The following EP300 variants were observed in gnomAD, a reference collection of about 807,000 sequenced individuals.
EP300 encodes histone acetyltransferase p300.
EP300 carries 31 observed loss-of-function variants against 264.0 expected under a neutral mutation model. The ratio of observed to expected loss-of-function variants is 0.12; its 90% confidence interval spans 0.09 to 0.16. The LOEUF is 0.16. EP300 is among the 10% of genes least tolerant of loss of function. The pLI, the probability that EP300 is intolerant of heterozygous loss-of-function variation, is 1.00. For synonymous variants in EP300, 1,340 were observed against 1,045.4 expected (o/e 1.28, Z -5.44); for missense variants, 2,766 against 3,052.9 (o/e 0.91, Z 2.21).
At chr22:41,132,201 A>G (rs1429899769) in intron 6 of EP300, among the ~76,000 whole-genome samples, 18 of 151,932 alleles carry the variant, frequency 1.2e-4, no homozygotes, top group African/African-American at 4.4e-4. Context: ...ATCTCAAAAA[A>G]AAAAAAAATA....
At chr22:41,141,462 G>C (rs1253435664) in intron 10 of EP300, among the ~76,000 whole-genome samples, 1 of 152,108 alleles carries the variant, frequency 6.6e-6, no homozygotes, top group Non-Finnish European at 1.5e-5. Flanking sequence ...TAGAGCCCAA[G>C]GTGTAAACTT....
intron 1 of EP300, among the ~76,000 whole-genome samples, chr22:41,104,382 C>A (rs1363381722): frequency 6.6e-6 from 1 of 151,926 alleles, no homozygotes; most frequent in Non-Finnish European, 1.5e-5. Context: ...CTCTGCCTCC[C>A]CGGTTCAAGT....
Position 41,168,616 on chromosome 22 carries a change from C to CT in EP300, c.4025+21dup. ...GAAAGCAAGGTATCTAGTCATTTCA[C>CT]TTTTCTTCTCCTCGTGGATCCAAAA... On this transcript the variant is annotated intron_variant, in intron 24 of 30. Transcript: ENST00000263253. 1 of 1,614,176 alleles carries CT rather than the reference C, an allele frequency of 6.2e-7. No homozygotes were observed. The highest frequency in any genetic ancestry group is 8.5e-7 in the Non-Finnish European group (1 of 1,180,032).
chr22:41,095,479 A>G (rs1223389875), intron 1 of EP300, among the ~76,000 whole-genome samples: 1 of 151,210 alleles, frequency 6.6e-6, no homozygotes, highest in East Asian at 1.9e-4. Flanking sequence ...TGATCCACCC[A>G]CCTTGGCCTC....
chr22:41,118,341 T>C (rs1156534570), intron 2 of EP300, among the ~76,000 whole-genome samples: 22 of 152,260 alleles, frequency 1.4e-4, no homozygotes, highest in African/African-American at 2.4e-5. Flanking sequence ...CAAAGACTTC[T>C]GTTAGCTTTA....
chr22:41,098,885 A>G (rs2058716179), intron 1 of EP300, among the ~76,000 whole-genome samples: 2 of 152,090 alleles, frequency 1.3e-5, no homozygotes, highest in South Asian at 2.1e-4. Context: ...TGCGCACCTT[A>G]TAGGAATCCA....
intron 2 of EP300, among the ~76,000 whole-genome samples, chr22:41,119,631 T>C (rs1388807698): frequency 1.3e-5 from 2 of 151,918 alleles, no homozygotes; most frequent in East Asian, 3.9e-4. Context: ...TGGAGAAAAA[T>C]AAGGAAAGGC....
chr22:41,132,349 A>G (rs1366763969), intron 6 of EP300, among the ~76,000 whole-genome samples: 3 of 125,166 alleles, frequency 2.4e-5, no homozygotes, highest in African/African-American at 9.2e-5. Flanking sequence ...ATGCAGTGGC[A>G]CGATCTCGGC....
intron 1 of EP300, among the ~76,000 whole-genome samples, chr22:41,108,999 C>T (rs2058773576): frequency 6.6e-6 from 1 of 152,068 alleles, no homozygotes; most frequent in South Asian, 2.1e-4. Context: ...GGCCCAGCGC[C>T]GTGGCACACA....
At chr22:41,151,438 C>T (rs1385125795) in intron 14 of EP300, among the ~76,000 whole-genome samples, 1 of 152,170 alleles carries the variant, frequency 6.6e-6, no homozygotes, top group Non-Finnish European at 1.5e-5. Flanking sequence ...TTTATTGTCT[C>T]CTTTTCTGTA....
In EP300 at chr22:41,131,424, C is replaced by G; in HGVS notation, c.1319C>G (p.Pro440Arg). 1 of 1,614,014 alleles carries G rather than the reference C, an allele frequency of 6.2e-7. No homozygotes were observed. Among genetic ancestry groups the G allele is most frequent in the Non-Finnish European group, 8.5e-7 (1 of 1,179,996 alleles). The change falls in exon 6 of 31, where the codon CCT becomes CGT. Residue 440 changes from proline (P) to arginine (R), a missense_variant. Transcript: ENST00000263253. Reference sequence around the variant, plus strand: ...GGAGCACCCGTTGGACTTGGAAATCCTAGCTCTCTAGGGGTGGGTCAACAG... The same window carrying G: ...GGAGCACCCGTTGGACTTGGAAATCGTAGCTCTCTAGGGGTGGGTCAACAG... ...LTGAPVGLGN[P>R]SSLGVGQQSA...
rs2145513499 is a variant in EP300 at position 41,176,446 on chromosome 22, C to T, written c.4979C>T (p.Thr1660Met). ...ATGTGCATGCTGGTGGAGCTGCACA[C>T]GCAGAGCCAGGACCGCTTTGTCTAC... ...STMCMLVELH[T>M]QSQDRFVYTC... Residue 1660 changes from threonine (T) to methionine (M), a missense_variant, in exon 30 of 31, where the codon ACG (threonine) becomes ATG (methionine). Thr to Met is a moderately conservative substitution (Grantham distance 81). Coordinates refer to ENST00000263253, the MANE Select transcript of EP300 (RefSeq NM_001429.4). 8 of 1,614,204 alleles carry T rather than the reference C, an allele frequency of 5.0e-6. No individual in the cohort carries two copies. The highest frequency in any genetic ancestry group is 1.1e-5 in the South Asian group (1 of 91,084).
intron 16 of EP300, among the ~76,000 whole-genome samples, chr22:41,154,399 T>TTTTTTTG: frequency 7.0e-6 from 1 of 142,290 alleles, no homozygotes; most frequent in Non-Finnish European, 1.5e-5. Flanking sequence ...TTTTTTTTTT[T>TTTTTTTG]GAGATGGGGC....
At chr22:41,137,356 CAAA>C (rs35403189) in intron 7 of EP300, among the ~76,000 whole-genome samples, 31 of 92,890 alleles carry the variant, frequency 3.3e-4, no homozygotes, top group African/African-American at 1.4e-3. Context: ...GACTTTGTCT[CAAA>C]AAAAAAAAAA....
At chr22:41,126,864 C>T (rs899114182) in intron 3 of EP300, among the ~76,000 whole-genome samples, 2 of 148,556 alleles carry the variant, frequency 1.3e-5, no homozygotes, top group Non-Finnish European at 3.0e-5. Context: ...CCTGCCTCAG[C>T]CTTCTGAGTA....
intron 6 of EP300, among the ~76,000 whole-genome samples, chr22:41,133,221 A>T (rs1304951716): frequency 2.2e-5 from 3 of 138,302 alleles, no homozygotes; most frequent in Non-Finnish European, 4.6e-5. Flanking sequence ...CAGTGGCACG[A>T]TCTTGGCTCA....
intron 1 of EP300, among the ~76,000 whole-genome samples, chr22:41,115,298 A>AC (rs1413200540): frequency 6.6e-6 from 1 of 152,212 alleles, no homozygotes; most frequent in Non-Finnish European, 1.5e-5. Flanking sequence ...AAGTAGAAAG[A>AC]CCAGGAGTCT....
intron 4 of EP300, 114 bp downstream of exon 4, chr22:41,127,862 G>A: frequency 1.5e-6 from 2 of 1,354,374 alleles, no homozygotes; most frequent in South Asian, 1.3e-5. Flanking sequence ...CTTAATTGTG[G>A]TGATGGTGTC....
intron 1 of EP300, among the ~76,000 whole-genome samples, chr22:41,113,110 C>T (rs1194597301): frequency 3.4e-5 from 5 of 147,900 alleles, no homozygotes; most frequent in African/African-American, 1.2e-4. Flanking sequence ...GTCTTACTCT[C>T]ATTTCAAAAT....
Sources: gnomAD v4.1 joint callset for allele counts (sites outside exome capture counted in the v4.1 genomes callset) on GRCh38, gnomAD v4.1.1 for gene constraint, MANE v1.5 for transcripts, NCBI Gene and HGNC (gene_info 2026-07-23, HGNC 2026-07-21) for gene names.